The following SLC24A2 variants were observed in gnomAD, a reference collection of about 807,000 sequenced individuals.
SLC24A2 encodes sodium/potassium/calcium exchanger 2.
SLC24A2 carries 36 observed loss-of-function variants against 62.0 expected under a neutral mutation model. The observed-to-expected ratio is 0.58, with a 90% CI of 0.44 to 0.77. The LOEUF (loss-of-function observed/expected upper bound fraction) is 0.77, where lower values mean the gene tolerates loss of function less well. Ranked by LOEUF, SLC24A2 falls within the 30% of genes least tolerant of loss-of-function variation. SLC24A2 has a pLI of 0.00. For synonymous variants in SLC24A2, 358 were observed against 294.0 expected (o/e 1.22, Z -2.23); for missense variants, 846 against 817.9 (o/e 1.03, Z -0.42).
intron 2 of SLC24A2, among the ~76,000 whole-genome samples, chr9:19,775,120 G>A (rs1485035067): frequency 2.0e-5 from 3 of 152,160 alleles, no homozygotes; most frequent in Non-Finnish European, 4.4e-5. Flanking sequence ...TTAAAACTGT[G>A]AACACTACAT....
intron 2 of SLC24A2, among the ~76,000 whole-genome samples, chr9:19,636,364 T>TTTCTTTCTTTCC (rs1818346158): frequency 2.6e-5 from 1 of 38,528 alleles, no homozygotes; most frequent in Admixed American, 3.1e-4. Context: ...TCTTTCTTTC[T>TTTCTTTCTTTCC]TTCTTTCTTT....
At chr9:19,757,696 A>T (rs766287871) in intron 2 of SLC24A2, among the ~76,000 whole-genome samples, 1 of 152,266 alleles carries the variant, frequency 6.6e-6, no homozygotes, top group South Asian at 2.1e-4. Context: ...ACTATCATTT[A>T]TTTGTCTTCA....
the SLC24A2 span, among the ~76,000 whole-genome samples, chr9:20,148,966 A>T: frequency 2.6e-5 from 4 of 152,096 alleles, no homozygotes; most frequent in African/African-American, 9.7e-5. Context: ...ATAAGCTGGG[A>T]AAGTAGATGG....
chr9:20,157,951 T>A, the SLC24A2 span, among the ~76,000 whole-genome samples: 18 of 151,656 alleles, frequency 1.2e-4, 1 homozygote, highest in South Asian at 3.7e-3. Context: ...AAAGATCCTA[T>A]AAGAAGAAAG....
At chr9:19,760,449 T>G (rs937520168) in intron 2 of SLC24A2, among the ~76,000 whole-genome samples, 4 of 152,136 alleles carry the variant, frequency 2.6e-5, no homozygotes, top group African/African-American at 9.7e-5. Flanking sequence ...ACATGTGGCA[T>G]GGTGGTTTGC....
intron 10 of SLC24A2, among the ~76,000 whole-genome samples, chr9:19,519,673 C>G (rs1200295582): frequency 6.6e-6 from 1 of 152,142 alleles, no homozygotes; most frequent in Non-Finnish European, 1.5e-5. Flanking sequence ...GTCTAGCAGG[C>G]AGATATACCA....
At chr9:19,825,589 A>T in the SLC24A2 span, among the ~76,000 whole-genome samples, 1 of 152,128 alleles carries the variant, frequency 6.6e-6, no homozygotes. Context: ...TTTAGGCTAT[A>T]GTGTGATATG....
At chr9:20,234,580 G>T in the SLC24A2 span, among the ~76,000 whole-genome samples, 2 of 152,082 alleles carry the variant, frequency 1.3e-5, no homozygotes, top group South Asian at 4.1e-4. Flanking sequence ...AGCTCCATCA[G>T]GTCCTCTAAG....
chr9:19,829,841 A>T, the SLC24A2 span, among the ~76,000 whole-genome samples: 1 of 140,952 alleles, frequency 7.1e-6, no homozygotes, highest in Non-Finnish European at 1.6e-5. Flanking sequence ...ACACACACAC[A>T]TATATAGAAC....
At chr9:19,559,445 C>G (rs985207671) in intron 7 of SLC24A2, among the ~76,000 whole-genome samples, 8 of 152,062 alleles carry the variant, frequency 5.3e-5, no homozygotes, top group African/African-American at 1.9e-4. Flanking sequence ...CGATTTTATT[C>G]CAGTAGGCAA....
the SLC24A2 span, among the ~76,000 whole-genome samples, chr9:20,060,915 TA>T: frequency 3.8e-3 from 573 of 151,814 alleles, 3 homozygotes; most frequent in African/African-American, 0.013. Flanking sequence ...GAAAGTAAAT[TA>T]AAAAAAATAA....
chr9:19,952,386 A>G, the SLC24A2 span, among the ~76,000 whole-genome samples: 1 of 152,044 alleles, frequency 6.6e-6, no homozygotes, highest in Non-Finnish European at 1.5e-5. Flanking sequence ...TCTAGATCTT[A>G]GATATAAAGC....
At chr9:19,867,450 T>C in the SLC24A2 span, among the ~76,000 whole-genome samples, 2 of 152,234 alleles carry the variant, frequency 1.3e-5, no homozygotes, top group African/African-American at 4.8e-5. Flanking sequence ...TTATTTAAGT[T>C]GTCTAATTTG....
chr9:20,105,963 A>G, the SLC24A2 span, among the ~76,000 whole-genome samples: 62 of 152,366 alleles, frequency 4.1e-4, no homozygotes, highest in African/African-American at 1.5e-3. Context: ...AGACTAATAA[A>G]GAAGAAAAGA....
the SLC24A2 span, among the ~76,000 whole-genome samples, chr9:20,208,776 G>A: frequency 6.6e-6 from 1 of 152,192 alleles, no homozygotes; most frequent in Non-Finnish European, 1.5e-5. Context: ...TCATGACCGT[G>A]TTACGGGAAA....
the SLC24A2 span, among the ~76,000 whole-genome samples, chr9:19,877,169 C>T: frequency 6.6e-6 from 1 of 151,004 alleles, no homozygotes; most frequent in African/African-American, 2.4e-5. Flanking sequence ...TTATTGGGCC[C>T]CAGTGAGGGC....
At chr9:20,199,873 T>TA in the SLC24A2 span, among the ~76,000 whole-genome samples, 2 of 150,246 alleles carry the variant, frequency 1.3e-5, no homozygotes, top group African/African-American at 4.9e-5. Flanking sequence ...CACCCACCAT[T>TA]ATGCCTGGCT....
the SLC24A2 span, among the ~76,000 whole-genome samples, chr9:19,838,341 G>T: frequency 6.6e-6 from 1 of 151,978 alleles, no homozygotes; most frequent in Non-Finnish European, 1.5e-5. Flanking sequence ...TTTAATAAAT[G>T]GTGCTGGGAA....
At chr9:20,062,088 G>T in the SLC24A2 span, among the ~76,000 whole-genome samples, 2 of 152,080 alleles carry the variant, frequency 1.3e-5, no homozygotes, top group Non-Finnish European at 2.9e-5. Flanking sequence ...AAATACCCAG[G>T]CGTGGTGGCA....
Sources: allele counts gnomAD v4.1 joint callset (sites outside exome capture counted in the v4.1 genomes callset), GRCh38; gene constraint gnomAD v4.1.1; transcripts MANE v1.5; gene names NCBI Gene and HGNC (gene_info 2026-07-23, HGNC 2026-07-21).